The following CSMD1 variants were observed in gnomAD, a reference collection of about 807,000 sequenced individuals.
The protein encoded by CSMD1 is CUB and Sushi multiple domains 1, also known as CUB and sushi domain-containing protein 1.
In CSMD1, 213 loss-of-function variants were observed where a neutral mutation model predicts 417.5. The ratio of observed to expected loss-of-function variants is 0.51; its 90% CI spans 0.46 to 0.57. The LOEUF (loss-of-function observed/expected upper bound fraction) is 0.57, where lower values mean the gene tolerates loss of function less well. Ranked by LOEUF, CSMD1 falls within the 20% of genes least tolerant of loss-of-function variation. The pLI is 0.00. For synonymous variants in CSMD1, 2,862 were observed against 1,736.8 expected (o/e 1.65, Z -16.11); for missense variants, 6,923 against 4,529.7 (o/e 1.53, Z -15.17).
At chr8:3,910,955 C>G (rs963577637) in intron 5 of CSMD1, among the ~76,000 whole-genome samples, 1 of 152,214 alleles carries the variant, frequency 6.6e-6, no homozygotes, top group African/African-American at 2.4e-5. Flanking sequence ...ACCAGGAACG[C>G]TTTCTTGGGC....
At chr8:3,942,094 G>A (rs972662245) in intron 5 of CSMD1, among the ~76,000 whole-genome samples, 4 of 151,914 alleles carry the variant, frequency 2.6e-5, no homozygotes, top group African/African-American at 9.7e-5. Context: ...CTCCTTGTGA[G>A]AATCTAATGC....
intron 28 of CSMD1, among the ~76,000 whole-genome samples, chr8:3,221,543 A>AACAAACAAACAAACAAACAAACAAACAC (rs1414975617): frequency 6.6e-6 from 1 of 151,746 alleles, no homozygotes; most frequent in African/African-American, 2.4e-5. Context: ...CAAACAAACA[A>AACAAACAAACAAACAAACAAACAAACAC]ACAAACAAAC....
intron 3 of CSMD1, among the ~76,000 whole-genome samples, chr8:4,247,502 C>T (rs990339275): frequency 1.3e-5 from 2 of 152,094 alleles, no homozygotes; most frequent in Admixed American, 6.6e-5. Context: ...TGTTTTCTTT[C>T]GGTGTAGAAA....
intron 6 of CSMD1, among the ~76,000 whole-genome samples, chr8:3,725,819 C>T (rs1423467829): frequency 6.6e-6 from 1 of 152,144 alleles, no homozygotes; most frequent in Non-Finnish European, 1.5e-5. Flanking sequence ...GACTGTGACT[C>T]AGTATCTCAA....
intron 31 of CSMD1, among the ~76,000 whole-genome samples, chr8:3,203,499 A>T (rs1185134607): frequency 6.6e-6 from 1 of 152,200 alleles, no homozygotes; most frequent in Non-Finnish European, 1.5e-5. Flanking sequence ...TATCAGCAAG[A>T]AGGATTAGTG....
At chr8:4,102,283 G>T (rs17068998) in intron 3 of CSMD1, among the ~76,000 whole-genome samples, 7 of 152,164 alleles carry the variant, frequency 4.6e-5, no homozygotes, top group Admixed American at 6.5e-5. Flanking sequence ...TTATAAGGAA[G>T]ATCAGAGAAA....
At chr8:4,030,248 C>T (rs569638328) in intron 4 of CSMD1, among the ~76,000 whole-genome samples, 1 of 152,186 alleles carries the variant, frequency 6.6e-6, no homozygotes, top group Non-Finnish European at 1.5e-5. Context: ...TCTGACCCCA[C>T]ATTTCCCTCC....
At chr8:4,123,310 A>C (rs911853054) in intron 3 of CSMD1, among the ~76,000 whole-genome samples, 6 of 152,226 alleles carry the variant, frequency 3.9e-5, no homozygotes, top group African/African-American at 1.2e-4. Flanking sequence ...CCAGGTCACT[A>C]TCTGGAGCAG....
At chr8:3,106,460 C>G (rs1563346841) in intron 46 of CSMD1, 68 bp downstream of exon 46, 5 of 914,140 alleles carry the variant, frequency 5.5e-6, no homozygotes, top group Non-Finnish European at 8.6e-6. Flanking sequence ...GAAATGCAGA[C>G]CAATACAAAC....
intron 3 of CSMD1, among the ~76,000 whole-genome samples, chr8:4,167,849 C>T (rs531179032): frequency 6.6e-5 from 10 of 152,130 alleles, no homozygotes; most frequent in African/African-American, 2.4e-4. Flanking sequence ...ATAAAAAGGC[C>T]AGACATGATG....
intron 3 of CSMD1, among the ~76,000 whole-genome samples, chr8:4,190,699 AC>A (rs1798973518): frequency 1.3e-5 from 2 of 152,208 alleles, no homozygotes; most frequent in Admixed American, 1.3e-4. Context: ...TTATGAATTA[AC>A]AAACATTTTA....
At position 4,762,734 on chromosome 8, in the gene CSMD1, A is replaced by C. The variant is rs1005937046; in HGVS notation, c.86-125176T>G. 3.3e-5 allele frequency among the ~76,000 whole-genome samples: 5 copies of C among 152,118 alleles called. No individual in the cohort carries two copies. The South Asian group carries it at 1.0e-3, about 32-fold the overall frequency. On this transcript the variant is annotated intron_variant, in intron 1 of 69. Coordinates refer to ENST00000635120, the MANE Select transcript of CSMD1 (RefSeq NM_033225.6). The stretch of plus-strand genomic sequence containing the variant: ...CAGAGCGAGCTATTGTGCTTCCTCC[A>C]TCTCAATTCAGTGCTCCTGCAGCCT...
chr8:3,467,289 G>C (rs563738358), intron 12 of CSMD1, among the ~76,000 whole-genome samples: 2 of 152,318 alleles, frequency 1.3e-5, no homozygotes, highest in Admixed American at 6.5e-5. Flanking sequence ...ATGCTGCTGA[G>C]ATGAATTTAC....
At chr8:4,874,439 G>T (rs890377285) in intron 1 of CSMD1, among the ~76,000 whole-genome samples, 1 of 138,724 alleles carries the variant, frequency 7.2e-6, no homozygotes, top group Non-Finnish European at 1.5e-5. Context: ...ACCCAGGCTG[G>T]CATGCAGTGT....
intron 5 of CSMD1, among the ~76,000 whole-genome samples, chr8:3,812,180 T>G (rs1456877181): frequency 2.0e-5 from 3 of 152,208 alleles, no homozygotes. Context: ...GTGAGTTGTT[T>G]AATAAAAGAG....
At chr8:3,846,961 C>T (rs1025558106) in intron 5 of CSMD1, among the ~76,000 whole-genome samples, 1 of 152,292 alleles carries the variant, frequency 6.6e-6, no homozygotes, top group South Asian at 2.1e-4. Flanking sequence ...AGCCGTGAGC[C>T]ACTGCGCCTG....
intron 3 of CSMD1, among the ~76,000 whole-genome samples, chr8:4,398,079 C>T (rs781355164): frequency 1.3e-5 from 2 of 152,172 alleles, no homozygotes; most frequent in Non-Finnish European, 2.9e-5. Flanking sequence ...ATTACTTTAT[C>T]AGTCAAGGAA....
intron 1 of CSMD1, among the ~76,000 whole-genome samples, chr8:4,913,863 T>C (rs1002046127): frequency 1.3e-5 from 2 of 152,202 alleles, no homozygotes; most frequent in African/African-American, 2.4e-5. Flanking sequence ...TGTTAAGGGA[T>C]ATTATTGTTT....
Position 3,308,503 on chromosome 8 carries a change from C to G in CSMD1, c.3632G>C (p.Ser1211Thr). 1.3e-5 allele frequency: 21 copies of G among 1,608,490 alleles called. No individual in the cohort carries two copies. Among genetic ancestry groups the G allele is most frequent in the Non-Finnish European group, 1.8e-5 (21 of 1,176,090 alleles). ...ATCCTCACATTTTACCAGATCAAAA[C>G]CTGCAAGAGAGAAAGGCAAGGAATG... is the stretch of plus-strand genomic sequence containing the variant. ...TDQGFQLTYT[S>T]FDLVKCEDPG... is the part of the protein sequence containing the mutation. The change falls in exon 24 of 70, where the codon AGT (serine) becomes ACT (threonine). Residue 1211 changes from serine (S) to threonine (T), a missense_variant and splice_region_variant. Ser to Thr is a moderately conservative substitution (Grantham distance 58). Coordinates refer to ENST00000635120, the MANE Select transcript of CSMD1 (RefSeq NM_033225.6).
Sources: gnomAD v4.1 joint callset for allele counts (sites outside exome capture counted in the v4.1 genomes callset) on GRCh38, gnomAD v4.1.1 for gene constraint, MANE v1.5 for transcripts, NCBI Gene and HGNC (gene_info 2026-07-23, HGNC 2026-07-21) for gene names.